Variants in CST7 observed in about 807,000 individuals in gnomAD.
CST7 encodes cystatin F.
Under a neutral mutation model 13.1 loss-of-function variants are expected in CST7, and 15 were observed. That is an observed-to-expected ratio of 1.14 (90% confidence interval 0.77 to 1.76). The LOEUF is 1.76. CST7 is among the 40% of genes most tolerant of loss of function. CST7 has a pLI of 0.00. For synonymous variants in CST7, 75 were observed against 66.9 expected, an observed-to-expected ratio of 1.12 and a Z score of -0.59; for missense variants, 193 against 178.8, an observed-to-expected ratio of 1.08 and a Z score of -0.45.
chr20:24,958,856 C>T (rs1033900407), intron 2 of CST7, 72 bp from the exon 3 acceptor site: 2 of 1,115,470 alleles, frequency 1.8e-6, no homozygotes, highest in Non-Finnish European at 2.7e-6. Flanking sequence ...TGTCTTGAGG[C>T]CCTGCTTCCT....
At chr20:24,958,906 C>A (rs559940770) in intron 2 of CST7, 22 bp from the exon 3 acceptor site, 2 of 1,575,046 alleles carry the variant, frequency 1.3e-6, no homozygotes, top group African/African-American at 1.3e-5. Flanking sequence ...GCCCAGTAAC[C>A]CAGTCCCTTT....
chr20:24,956,242 C>A (rs553798543), intron 1 of CST7, among the ~76,000 whole-genome samples: 1 of 152,306 alleles, frequency 6.6e-6, no homozygotes, highest in Non-Finnish European at 1.5e-5. Flanking sequence ...CCAGGAAAGG[C>A]CTCTTGCAGA....
chr20:24,959,404 A>ATATCTC (rs1471949387), intron 3 of CST7, among the ~76,000 whole-genome samples: 1 of 152,174 alleles, frequency 6.6e-6, no homozygotes, highest in Non-Finnish European at 1.5e-5. Flanking sequence ...CATATATAGC[A>ATATCTC]TATCTCTGCA....
intron 1 of CST7, among the ~76,000 whole-genome samples, chr20:24,956,076 C>T (rs1013255239): frequency 1.3e-5 from 2 of 152,154 alleles, no homozygotes; most frequent in Admixed American, 6.5e-5. Flanking sequence ...CGGGATGGGG[C>T]GACAATCCCA....
intron 1 of CST7, among the ~76,000 whole-genome samples, chr20:24,955,180 G>C (rs2122451213): frequency 6.6e-6 from 1 of 152,286 alleles, no homozygotes. Flanking sequence ...TTCCAGAACA[G>C]TTTTTTGTTT....
chr20:24,958,196 A>G (rs11906373), intron 2 of CST7, among the ~76,000 whole-genome samples: 30,840 of 152,152 alleles, frequency 0.2, 3,305 homozygotes, highest in Middle Eastern at 0.32. Context: ...CTTGTGAAGG[A>G]CAGCATGTTT....
intron 1 of CST7, among the ~76,000 whole-genome samples, chr20:24,954,140 A>G (rs2087838530): frequency 6.6e-6 from 1 of 152,012 alleles, no homozygotes; most frequent in South Asian, 2.1e-4. Context: ...CTCCCCTAGC[A>G]CCTGCCAAAC....
intron 1 of CST7, among the ~76,000 whole-genome samples, chr20:24,950,667 G>A (rs2087813335): frequency 6.6e-6 from 1 of 152,310 alleles, no homozygotes; most frequent in South Asian, 2.1e-4. Flanking sequence ...GCTGGCAGAA[G>A]GCTGGGGACA....
At chr20:24,956,035 G>A (rs2087851829) in intron 1 of CST7, among the ~76,000 whole-genome samples, 1 of 152,168 alleles carries the variant, frequency 6.6e-6, no homozygotes, top group South Asian at 2.1e-4. Context: ...CATTTGCCAG[G>A]TGGCCTCCCT....
intron 1 of CST7, 138 bp downstream of exon 1, chr20:24,949,713 G>C (rs771590873): frequency 4.4e-6 from 5 of 1,147,618 alleles, no homozygotes; most frequent in Non-Finnish European, 6.1e-6. Context: ...TGCTGGGAGT[G>C]GTGAGAGGGG....
chr20:24,957,514 CT>C, intron 2 of CST7, 55 bp downstream of exon 2: 1 of 1,546,214 alleles, frequency 6.5e-7, no homozygotes, highest in Non-Finnish European at 8.9e-7. Context: ...AGCCGAGCTG[CT>C]ACAACGCGAC....
At chr20:24,949,751 C>G (rs1209609888) in intron 1 of CST7, among the ~76,000 whole-genome samples, 176 bp downstream of exon 1, 3 of 152,154 alleles carry the variant, frequency 2.0e-5, no homozygotes, top group African/African-American at 4.8e-5. Context: ...CTGCAGCTAC[C>G]TTTGGGGGTA....
chr20:24,951,575 C>T (rs985924010), intron 1 of CST7, among the ~76,000 whole-genome samples: 4 of 152,328 alleles, frequency 2.6e-5, no homozygotes, highest in Admixed American at 2.0e-4. Flanking sequence ...CACTCCACAA[C>T]TCCTACAGCC....
chr20:24,953,869 T>G (rs914171072), intron 1 of CST7, among the ~76,000 whole-genome samples: 1 of 152,090 alleles, frequency 6.6e-6, no homozygotes, highest in African/African-American at 2.4e-5. Flanking sequence ...GTCCGTGGGT[T>G]CTTTCCGTTG....
At position 24,951,641 on chromosome 20, in the gene CST7, G is replaced by A. The variant is rs146816646; in HGVS notation, c.70+2066G>A. On this transcript the variant is annotated intron_variant, in intron 1 of 3. Transcript: ENST00000480798. Reference sequence around the variant, plus strand: ...AGAGCCTTCCTCATGACTGAGGGGGGTAGGGGGCGGGGAAGCAACAGGGAC... The same window carrying A: ...AGAGCCTTCCTCATGACTGAGGGGGATAGGGGGCGGGGAAGCAACAGGGAC... Among the ~76,000 whole-genome samples, 548 of 152,254 alleles carry A rather than the reference G, an allele frequency of 3.6e-3. 4 individuals carry two copies. The highest frequency in any genetic ancestry group is 0.013 in the African/African-American group (530 of 41,554).
chr20:24,957,299 A>T lies in CST7; in HGVS notation c.83A>T (p.Gln28Leu), dbSNP rs768821348. 7 of 1,612,740 alleles carry T rather than the reference A, an allele frequency of 4.3e-6. No homozygotes were observed. Among genetic ancestry groups the T allele is most frequent in the Non-Finnish European group, 5.9e-6 (7 of 1,179,426 alleles). Reference sequence around the variant, plus strand: ...TTGTCTCTTTCAGATACTTGTTCCCAGGACCTTAACTCACGTGTGAAGCCA... The same window carrying T: ...TTGTCTCTTTCAGATACTTGTTCCCTGGACCTTAACTCACGTGTGAAGCCA... ...TGGPSPDTCS[Q>L]DLNSRVKPGF... is the part of the protein sequence containing the mutation. Residue 28 changes from glutamine to leucine, a missense_variant, in exon 2 of 4, where the codon CAG (glutamine) becomes CTG (leucine). Coordinates refer to ENST00000480798, the MANE Select transcript of CST7 (RefSeq NM_003650.4).
At chr20:24,954,848 AT>A (rs1191386229) in intron 1 of CST7, among the ~76,000 whole-genome samples, 1 of 152,154 alleles carries the variant, frequency 6.6e-6, no homozygotes, top group East Asian at 1.9e-4. Context: ...AATACATTTT[AT>A]TTTTTAAAAA....
chr20:24,950,344 G>C (rs778524761), intron 1 of CST7, among the ~76,000 whole-genome samples: 3 of 152,226 alleles, frequency 2.0e-5, no homozygotes, highest in African/African-American at 7.2e-5. Flanking sequence ...AAGGGGGCTG[G>C]AGCCTGGCCA....
intron 1 of CST7, among the ~76,000 whole-genome samples, chr20:24,950,262 C>T (rs946035560): frequency 6.6e-6 from 1 of 152,216 alleles, no homozygotes; most frequent in Non-Finnish European, 1.5e-5. Flanking sequence ...TTTAACCAAC[C>T]AGGAAGCTGG....
Sources: allele counts gnomAD v4.1 joint callset (sites outside exome capture counted in the v4.1 genomes callset), GRCh38; gene constraint gnomAD v4.1.1; transcripts MANE v1.5; gene names NCBI Gene and HGNC (gene_info 2026-07-23, HGNC 2026-07-21).